Variants in KPNA4 observed in about 807,000 individuals in gnomAD.
KPNA4 encodes the protein karyopherin subunit alpha 4.
Under a neutral mutation model 71.3 loss-of-function variants are expected in KPNA4, and 13 were observed. The ratio of observed to expected loss-of-function variants is 0.18; its 90% CI spans 0.12 to 0.29. The LOEUF is 0.29. Ranked by LOEUF, KPNA4 falls within the 10% of genes least tolerant of loss-of-function variation. KPNA4 has a pLI of 1.00. For synonymous variants in KPNA4, 189 were observed against 195.2 expected, an observed-to-expected ratio of 0.97 and a Z score of 0.26; for missense variants, 334 against 603.2, an observed-to-expected ratio of 0.55 and a Z score of 4.67.
At chr3:160,535,787 A>G in intron 3 of KPNA4, 21 bp downstream of exon 3, 3 of 1,557,290 alleles carry the variant, frequency 1.9e-6, no homozygotes, top group Non-Finnish European at 2.6e-6. Flanking sequence ...AGTTACCAGA[A>G]TAACAATAAC....
In KPNA4 at chr3:160,496,099, C is replaced by A; in HGVS notation, c.*6005G>T. 1 of 152,174 alleles carries A rather than the reference C, an allele frequency of 6.6e-6. No homozygotes were observed. The highest frequency in any genetic ancestry group is 1.5e-5 in the Non-Finnish European group (1 of 68,068). The allele number at this position is 152,174 out of a possible 1,614,324, so 9.4% of individuals were successfully genotyped here. Reference sequence around the variant, plus strand: ...GGTCAGGAGTTCGAGACCAGCCTGGCCAACGTGGTGAAACCCCATCTCTAC... The same window carrying A: ...GGTCAGGAGTTCGAGACCAGCCTGGACAACGTGGTGAAACCCCATCTCTAC... On this transcript the variant is annotated 3_prime_UTR_variant, in exon 17 of 17. Coordinates refer to ENST00000334256, the MANE Select transcript of KPNA4 (RefSeq NM_002268.5).
intron 1 of KPNA4, among the ~76,000 whole-genome samples, chr3:160,546,480 T>TCCAGCCTGGGTGATAGAGCAA (rs1181215961): frequency 6.6e-6 from 1 of 152,084 alleles, no homozygotes; most frequent in African/African-American, 2.4e-5. Context: ...ATCGCAACAC[T>TCCAGCCTGGGTGATAGAGCAA]GCACTCCAGC....
chr3:160,520,527 C>T (rs1721324381), intron 11 of KPNA4, among the ~76,000 whole-genome samples: 1 of 151,724 alleles, frequency 6.6e-6, no homozygotes, highest in African/African-American at 2.4e-5. Flanking sequence ...TCCCAAAGTG[C>T]TGGGATTTCA....
chr3:160,503,916 C>G (rs1720932502), intron 16 of KPNA4, among the ~76,000 whole-genome samples: 1 of 152,040 alleles, frequency 6.6e-6, no homozygotes, highest in Admixed American at 6.6e-5. Context: ...GACCTTGTCT[C>G]TACAAAAGAC....
chr3:160,535,013 C>T (rs1177332517), intron 5 of KPNA4, among the ~76,000 whole-genome samples: 3 of 151,900 alleles, frequency 2.0e-5, no homozygotes, highest in African/African-American at 4.8e-5. Context: ...TGAGCCACCT[C>T]GCCCGGCCGT....
intron 16 of KPNA4, 25 bp from the exon 17 acceptor site, chr3:160,502,227 T>G (rs1368588559): frequency 7.7e-7 from 1 of 1,300,956 alleles, no homozygotes; most frequent in East Asian, 2.4e-5. Context: ...AGAAAAAGAA[T>G]GTGATAATTA....
At chr3:160,528,684 C>T (rs999763037) in intron 7 of KPNA4, among the ~76,000 whole-genome samples, 3 of 152,050 alleles carry the variant, frequency 2.0e-5, no homozygotes, top group Non-Finnish European at 4.4e-5. Context: ...CTTTTGAACA[C>T]AAATTTATGT....
intron 7 of KPNA4, among the ~76,000 whole-genome samples, chr3:160,530,613 T>C (rs1343090659): frequency 1.3e-5 from 2 of 152,210 alleles, no homozygotes; most frequent in African/African-American, 4.8e-5. Flanking sequence ...TGTAATCTGC[T>C]ACTATAATTA....
At chr3:160,557,680 TTCTA>T (rs1331470292) in intron 1 of KPNA4, among the ~76,000 whole-genome samples, 3 of 152,082 alleles carry the variant, frequency 2.0e-5, no homozygotes, top group Non-Finnish European at 2.9e-5. Flanking sequence ...ATTTAAAAAT[TTCTA>T]TCTATCTGAG....
intron 7 of KPNA4, 108 bp from the exon 8 acceptor site, chr3:160,528,147 T>C (rs1721498323): frequency 9.0e-6 from 6 of 666,742 alleles, no homozygotes; most frequent in Non-Finnish European, 1.5e-5. Flanking sequence ...TATAAAAATA[T>C]ACTTAAAATA....
At chr3:160,513,954 A>T in intron 13 of KPNA4, 123 bp downstream of exon 13, 3 of 407,310 alleles carry the variant, frequency 7.4e-6, no homozygotes, top group Non-Finnish European at 1.2e-5. Flanking sequence ...ATATTACTTT[A>T]CTATATTTAT....
chr3:160,500,201 C>G lies in KPNA4; in HGVS notation c.*1903G>C, dbSNP rs1429531133. ...GCTTTAAGTTTTAATGTTTATTTCC[C>G]CAAGACAGCCTAGCCTGCACTCTAC... On this transcript the variant is annotated 3_prime_UTR_variant, in exon 17 of 17. Transcript: ENST00000334256. 1 of 152,378 alleles carries G rather than the reference C, an allele frequency of 6.6e-6. No homozygotes were observed. The highest frequency in any genetic ancestry group is 1.5e-5 in the Non-Finnish European group (1 of 67,960). 9.4% of individuals were successfully genotyped at this position (152,378 alleles called of 1,614,324 possible). A position where few individuals can be genotyped will look rare whatever the true frequency, so the allele number is the denominator to read the frequency against.
intron 1 of KPNA4, among the ~76,000 whole-genome samples, chr3:160,545,791 G>A (rs1721892029): frequency 6.6e-6 from 1 of 152,182 alleles, no homozygotes; most frequent in African/African-American, 2.4e-5. Flanking sequence ...TCGCAGTGGG[G>A]ATCATAAAAC....
At chr3:160,508,522 T>G (rs1176205498) in intron 14 of KPNA4, among the ~76,000 whole-genome samples, 2 of 152,184 alleles carry the variant, frequency 1.3e-5, no homozygotes, top group Admixed American at 1.3e-4. Context: ...AACATTTCTT[T>G]GCCATAAGAA....
At chr3:160,526,505 A>C (rs1403447008) in intron 8 of KPNA4, among the ~76,000 whole-genome samples, 2 of 152,254 alleles carry the variant, frequency 1.3e-5, no homozygotes, top group Non-Finnish European at 2.9e-5. Flanking sequence ...TACACTTAGA[A>C]AACTATGTCA....
At chr3:160,518,415 G>A (rs1254326226) in intron 11 of KPNA4, among the ~76,000 whole-genome samples, 4 of 151,164 alleles carry the variant, frequency 2.6e-5, no homozygotes, top group African/African-American at 7.3e-5. Flanking sequence ...GATTACAGGC[G>A]TGAGCCACCG....
Position 160,500,917 on chromosome 3 carries a change from C to G in KPNA4, c.*1187G>C, listed in dbSNP as rs1720864431. 1 of 152,540 alleles carries G rather than the reference C, an allele frequency of 6.6e-6. No homozygotes were observed. The highest frequency in any genetic ancestry group is 2.1e-4 in the South Asian group (1 of 4,822). 9.4% of individuals were successfully genotyped at this position (152,540 alleles called of 1,614,324 possible). A position where few individuals can be genotyped will look rare whatever the true frequency, so the allele number is the denominator to read the frequency against. On this transcript the variant is annotated 3_prime_UTR_variant, in exon 17 of 17. Transcript: ENST00000334256. ...AACACAGCACGGTATTCTACCACAA[C>G]TGAAACTTTTTTCTTCTTCTTCTTT...
intron 13 of KPNA4, 41 bp downstream of exon 13, chr3:160,514,036 C>T (rs1721153788): frequency 2.5e-6 from 3 of 1,209,112 alleles, no homozygotes; most frequent in Non-Finnish European, 3.5e-6. Context: ...TCCCCTTCCC[C>T]TTACATCAGA....
At chr3:160,509,601 T>A (rs373281592) in intron 14 of KPNA4, among the ~76,000 whole-genome samples, 199 bp downstream of exon 14, 2 of 152,172 alleles carry the variant, frequency 1.3e-5, no homozygotes, top group Admixed American at 1.3e-4. Context: ...TTGCTCTTAT[T>A]TTATTTTTTT....
Sources: allele counts gnomAD v4.1 joint callset (sites outside exome capture counted in the v4.1 genomes callset), GRCh38; gene constraint gnomAD v4.1.1; transcripts MANE v1.5; gene names NCBI Gene and HGNC (gene_info 2026-07-23, HGNC 2026-07-21).